The following HIVEP1 variants were observed in gnomAD, a reference collection of about 807,000 sequenced individuals.
HIVEP1 encodes zinc finger protein 40.
Under a neutral mutation model 180.0 loss-of-function variants are expected in HIVEP1, and 36 were observed. The ratio of observed to expected loss-of-function variants is 0.20; its 90% CI spans 0.15 to 0.26. The LOEUF is 0.26. Ranked by LOEUF, HIVEP1 falls within the 10% of genes least tolerant of loss-of-function variation. The pLI is 1.00. For synonymous variants in HIVEP1, 1,239 were observed against 1,239.0 expected (o/e 1.00, Z 0.00); for missense variants, 3,143 against 3,268.7 (o/e 0.96, Z 0.94).
At position 12,164,613 on chromosome 6, in the gene HIVEP1, C is replaced by T. The variant is rs186299554; in HGVS notation, c.*152C>T. ...TTGACCAATAATTGTTGTTTTGTGT[C>T]AGCTCCAGCCATTTTTGTACATGTT... On this transcript the variant is annotated 3_prime_UTR_variant, in exon 9 of 9. Coordinates refer to ENST00000379388, the MANE Select transcript of HIVEP1 (RefSeq NM_002114.4). 2.8e-4 allele frequency: 180 copies of T among 640,156 alleles called. No individual in the cohort carries two copies. The highest frequency in any genetic ancestry group is 2.7e-3 in the African/African-American group (150 of 54,650). 39.7% of individuals were successfully genotyped at this position (640,156 alleles called of 1,614,324 possible). A position where few individuals can be genotyped will look rare whatever the true frequency, so the allele number is the denominator to read the frequency against.
the HIVEP1 span, among the ~76,000 whole-genome samples, chr6:12,181,768 G>A: frequency 6.6e-6 from 1 of 152,198 alleles, no homozygotes; most frequent in Non-Finnish European, 1.5e-5. Flanking sequence ...AGTGATACAA[G>A]TTGCAAAGGT....
chr6:12,073,073 G>T (rs1278873847), intron 2 of HIVEP1, among the ~76,000 whole-genome samples: 1 of 152,142 alleles, frequency 6.6e-6, no homozygotes, highest in East Asian at 1.9e-4. Flanking sequence ...TGCATCTGAA[G>T]ATTATCATGT....
At chr6:12,051,676 G>A (rs889272034) in intron 2 of HIVEP1, among the ~76,000 whole-genome samples, 2 of 150,722 alleles carry the variant, frequency 1.3e-5, no homozygotes, top group Admixed American at 6.7e-5. Flanking sequence ...TTTGTTTCTC[G>A]GGAAGGGAGG....
chr6:12,177,665 T>C, the HIVEP1 span, among the ~76,000 whole-genome samples: 1 of 152,226 alleles, frequency 6.6e-6, no homozygotes, highest in Non-Finnish European at 1.5e-5. Flanking sequence ...AACCAGAAGA[T>C]AATAACTGAC....
chr6:12,199,818 A>G, the HIVEP1 span, among the ~76,000 whole-genome samples: 8 of 152,192 alleles, frequency 5.3e-5, no homozygotes, highest in Non-Finnish European at 8.8e-5. Context: ...TAGAATGTCT[A>G]GTACAGAGCC....
At position 12,125,863 on chromosome 6, in the gene HIVEP1, T is replaced by TA; in HGVS notation, c.6070dup (p.Ser2024LysfsTer7). ...TATTCAAGCAAGTGGAAAAGCAGCT[T>TA]AAGCAAGGTACTTGAAATATAATTT... On this transcript the variant is annotated frameshift_variant, in exon 4 of 9. Transcript: ENST00000379388. LOFTEE classifies it high-confidence loss of function. 6.3e-7 allele frequency: 1 copy of TA among 1,584,070 alleles called. No homozygotes were observed. Among genetic ancestry groups the TA allele is most frequent in the Non-Finnish European group, 8.6e-7 (1 of 1,162,208 alleles).
intron 2 of HIVEP1, among the ~76,000 whole-genome samples, chr6:12,045,809 C>G (rs997919700): frequency 6.6e-6 from 1 of 152,190 alleles, no homozygotes; most frequent in Admixed American, 6.5e-5. Context: ...AAAATGTTCT[C>G]CATCACATCT....
intron 2 of HIVEP1, among the ~76,000 whole-genome samples, chr6:12,046,871 G>GTGTGTGTGTGTGTA (rs1009649847): frequency 7.3e-5 from 11 of 151,588 alleles, no homozygotes; most frequent in Non-Finnish European, 1.6e-4. Context: ...GTGTGTGTGT[G>GTGTGTGTGTGTGTA]TGTGTTTGAG....
intron 7 of HIVEP1, among the ~76,000 whole-genome samples, chr6:12,158,607 AC>A (rs1263491761): frequency 1.3e-5 from 2 of 152,000 alleles, no homozygotes; most frequent in African/African-American, 4.8e-5. Context: ...TCGTACCTGC[AC>A]CATTTTCTTA....
At chr6:12,193,755 T>C in the HIVEP1 span, among the ~76,000 whole-genome samples, 1 of 152,164 alleles carries the variant, frequency 6.6e-6, no homozygotes, top group Non-Finnish European at 1.5e-5. Flanking sequence ...GCTAAGTATT[T>C]CAAATATATT....
chr6:12,156,723 C>A (rs1258777170), intron 7 of HIVEP1, among the ~76,000 whole-genome samples: 1 of 152,128 alleles, frequency 6.6e-6, no homozygotes, highest in Non-Finnish European at 1.5e-5. Context: ...TGTATGGTTT[C>A]TACTGATTTT....
the HIVEP1 span, among the ~76,000 whole-genome samples, chr6:12,187,808 A>C: frequency 6.6e-6 from 1 of 151,324 alleles, no homozygotes; most frequent in South Asian, 2.1e-4. Flanking sequence ...CTGGTCTTGA[A>C]CCCCTGACAT....
chr6:12,168,261 T>TATATATATATACATATATTATATAC (rs1760799894), downstream of HIVEP1, among the ~76,000 whole-genome samples: 1 of 36,774 alleles, frequency 2.7e-5, no homozygotes, highest in East Asian at 5.8e-4. Context: ...GATATACGTG[T>TATATATATATACATATATTATATAC]ATATATACAT....
At chr6:12,092,030 GAC>G (rs1238922980) in intron 3 of HIVEP1, among the ~76,000 whole-genome samples, 3 of 152,066 alleles carry the variant, frequency 2.0e-5, no homozygotes, top group Non-Finnish European at 1.5e-5. Flanking sequence ...TACAATGTTT[GAC>G]ACATATAAAT....
chr6:12,116,485 T>G (rs1775221906), intron 3 of HIVEP1, among the ~76,000 whole-genome samples: 1 of 152,002 alleles, frequency 6.6e-6, no homozygotes, highest in Non-Finnish European at 1.5e-5. Context: ...CACATATGCC[T>G]GCCATCGTCC....
chr6:12,073,081 T>A (rs531614609), intron 2 of HIVEP1, among the ~76,000 whole-genome samples: 27 of 152,230 alleles, frequency 1.8e-4, no homozygotes, highest in Non-Finnish European at 3.7e-4. Flanking sequence ...AAGATTATCA[T>A]GTGTTTTCTA....
chr6:12,144,762 A>G (rs1276232279), intron 7 of HIVEP1, among the ~76,000 whole-genome samples: 1 of 152,244 alleles, frequency 6.6e-6, no homozygotes, highest in Non-Finnish European at 1.5e-5. Flanking sequence ...CAACAGACAC[A>G]TGAAAAAATG....
chr6:12,194,663 A>G, the HIVEP1 span, among the ~76,000 whole-genome samples: 15 of 151,988 alleles, frequency 9.9e-5, no homozygotes, highest in Non-Finnish European at 1.8e-4. Context: ...TTAACCAGGC[A>G]TGATGGCGGG....
intron 2 of HIVEP1, among the ~76,000 whole-genome samples, chr6:12,072,389 C>T (rs762855571): frequency 6.6e-6 from 1 of 152,106 alleles, no homozygotes; most frequent in Non-Finnish European, 1.5e-5. Flanking sequence ...CTCCCCTTCC[C>T]CTCTCCCACT....
Sources: allele counts gnomAD v4.1 joint callset (sites outside exome capture counted in the v4.1 genomes callset), GRCh38; gene constraint gnomAD v4.1.1; transcripts MANE v1.5; gene names NCBI Gene and HGNC (gene_info 2026-07-23, HGNC 2026-07-21).